DBF4B: variants seen among roughly 807,000 people sequenced by gnomAD.
DBF4B encodes protein DBF4 homolog B.
Under a neutral mutation model 53.4 loss-of-function variants are expected in DBF4B, and 49 were observed. That is an observed-to-expected ratio of 0.92 (90% CI 0.73 to 1.16). The LOEUF is 1.16. DBF4B is among the 50% of genes most tolerant of loss of function. The pLI is 0.00. For synonymous variants in DBF4B, 257 were observed against 288.7 expected, an observed-to-expected ratio of 0.89 and a Z score of 1.11; for missense variants, 692 against 775.0, an observed-to-expected ratio of 0.89 and a Z score of 1.27.
chr17:44,731,872 G>A (rs532354054), intron 5 of DBF4B: 61 of 298,998 alleles, frequency 2.0e-4, no homozygotes, highest in African/African-American at 1.1e-3. Context: ...AGCTTTCCTC[G>A]CAGAGGCCCT....
chr17:44,728,049 G>A (rs1445705879), intron 3 of DBF4B, among the ~76,000 whole-genome samples: 3 of 151,994 alleles, frequency 2.0e-5, no homozygotes, highest in Admixed American at 6.6e-5. Flanking sequence ...TCATTATGCT[G>A]TGGGTTGGCT....
At chr17:44,713,144 A>G (rs781549218) in intron 2 of DBF4B, among the ~76,000 whole-genome samples, 1 of 141,908 alleles carries the variant, frequency 7.0e-6, no homozygotes, top group Non-Finnish European at 1.5e-5. Flanking sequence ...GGTTCATGCC[A>G]TTCTTCTGCC....
intron 13 of DBF4B, chr17:44,750,337 A>C: frequency 7.8e-7 from 1 of 1,279,128 alleles, no homozygotes; most frequent in Non-Finnish European, 9.9e-7. Flanking sequence ...TTAAATGTTG[A>C]AGCTTCCGGA....
At chr17:44,737,258 T>G (rs1333868317) in intron 8 of DBF4B, among the ~76,000 whole-genome samples, 2 of 152,176 alleles carry the variant, frequency 1.3e-5, no homozygotes, top group Non-Finnish European at 2.9e-5. Flanking sequence ...ACTGACAAAC[T>G]GGCAGATTGA....
intron 6 of DBF4B, chr17:44,732,553 A>G: frequency 2.7e-6 from 1 of 366,338 alleles, no homozygotes; most frequent in Non-Finnish European, 5.1e-6. Flanking sequence ...CTGTTTTACA[A>G]ATGCAGAAAT....
intron 2 of DBF4B, among the ~76,000 whole-genome samples, chr17:44,716,755 A>G (rs930948257): frequency 1.3e-5 from 2 of 152,084 alleles, no homozygotes; most frequent in Admixed American, 6.6e-5. Context: ...CTGAGAGTCT[A>G]TTCCTTTTAA....
chr17:44,726,117 G>A (rs758115663), intron 3 of DBF4B, among the ~76,000 whole-genome samples: 1 of 151,638 alleles, frequency 6.6e-6, no homozygotes, highest in Non-Finnish European at 1.5e-5. Context: ...AGCCTCCCAA[G>A]TAGCTGCAAT....
rs368032048 is a variant in DBF4B, at chr17:44,741,439, A to G, written c.817A>G (p.Met273Val). ...TGAGGCCCCGACGACCCTGGGCAGC[A>G]TGCACCATACCAGGTGGGTCTTTCT... is the stretch of plus-strand genomic sequence containing the variant. ...PFEAPTTLGSMHHTRESKDGE... is the reference protein window; with the variant it reads ...PFEAPTTLGSVHHTRESKDGE... Residue 273 changes from methionine to valine, a missense_variant, in exon 10 of 14, where the codon ATG (methionine) becomes GTG (valine). Met to Val is a conservative substitution (Grantham distance 21). Coordinates refer to ENST00000315005, the MANE Select transcript of DBF4B (RefSeq NM_145663.3). The G allele has an allele frequency of 5.8e-5, 94 of 1,609,338 alleles. No homozygotes were observed. The highest frequency in any genetic ancestry group is 8.0e-5 in the African/African-American group (6 of 74,740).
intron 2 of DBF4B, among the ~76,000 whole-genome samples, chr17:44,709,646 T>C (rs571949804): frequency 2.0e-4 from 30 of 152,196 alleles, no homozygotes; most frequent in African/African-American, 7.0e-4. Flanking sequence ...TGTGTGTGTG[T>C]GTATGGACGC....
chr17:44,713,276 C>T (rs374599693), intron 2 of DBF4B, among the ~76,000 whole-genome samples: 3 of 149,408 alleles, frequency 2.0e-5, no homozygotes, highest in African/African-American at 7.3e-5. Flanking sequence ...CTCCTGACCT[C>T]GTGATCCACC....
chr17:44,730,201 ATC>A lies in DBF4B; in HGVS notation c.417+110_417+111del, dbSNP rs1365808284. ...TTTTAATTTCATCTGGATTAATTTA[ATC>A]TCTCATTTGAATTCAGGGACTGAGA... On this transcript the variant is annotated intron_variant, in intron 4 of 13. Coordinates refer to ENST00000315005, the MANE Select transcript of DBF4B (RefSeq NM_145663.3). 1.2e-5 allele frequency: 15 copies of A among 1,251,432 alleles called. No homozygotes were observed. In the East Asian group the frequency reaches 1.3e-4, roughly 11 times the overall value. The allele number at this position is 1,251,432 out of a possible 1,614,324, so 77.5% of individuals were successfully genotyped here. A position where few individuals can be genotyped will look rare whatever the true frequency, so the allele number is the denominator to read the frequency against.
At chr17:44,713,533 C>T (rs1268675114) in intron 2 of DBF4B, among the ~76,000 whole-genome samples, 1 of 151,760 alleles carries the variant, frequency 6.6e-6, no homozygotes, top group African/African-American at 2.4e-5. Context: ...GCTTGTAATC[C>T]CAGCTACTTG....
chr17:44,748,451 G>A lies in DBF4B; in HGVS notation c.1175G>A (p.Ser392Asn), dbSNP rs1465906136. 1.5e-5 allele frequency: 24 copies of A among 1,613,926 alleles called. No homozygotes were observed. Among genetic ancestry groups the A allele is most frequent in the Non-Finnish European group, 1.9e-5 (23 of 1,179,954 alleles). ...TCTCCCAGGATAAGGAAAGAAGACA[G>A]CTGCCAGGCATCAGGTATCCCAGAG... The part of the protein sequence containing the change: ...AASPRIRKED[S>N]CQASVTQGRA... The change falls in exon 13 of 14, where the codon AGC becomes AAC. Residue 392 changes from serine to asparagine, a missense_variant. Physicochemically the swap from Ser to Asn is conservative, Grantham distance 46 (BLOSUM62 1). This residue lies in a region of DBF4B where 597 missense variants were observed against 665.8 expected (regional missense o/e 0.90). Coordinates refer to ENST00000315005, the MANE Select transcript of DBF4B (RefSeq NM_145663.3).
intron 3 of DBF4B, among the ~76,000 whole-genome samples, chr17:44,725,748 G>A (rs1030750008): frequency 7.0e-6 from 1 of 143,392 alleles, no homozygotes; most frequent in Non-Finnish European, 1.5e-5. Context: ...ATGCAGGAGC[G>A]CGGTCATGGC....
intron 4 of DBF4B, 68 bp from the exon 5 acceptor site, chr17:44,730,897 C>A: frequency 6.4e-7 from 1 of 1,555,318 alleles, no homozygotes; most frequent in South Asian, 1.1e-5. Context: ...TCACCAGCTC[C>A]TGTGTAAACA....
At chr17:44,716,803 A>G (rs879605531) in intron 2 of DBF4B, among the ~76,000 whole-genome samples, 1 of 152,106 alleles carries the variant, frequency 6.6e-6, no homozygotes, top group Non-Finnish European at 1.5e-5. Context: ...CTACTGTTTC[A>G]TTCTAGCATT....
intron 7 of DBF4B, among the ~76,000 whole-genome samples, chr17:44,735,141 C>T (rs928104100): frequency 6.6e-5 from 10 of 152,198 alleles, no homozygotes; most frequent in African/African-American, 1.7e-4. Context: ...CAGACACTGA[C>T]GCCCTCTCCA....
chr17:44,731,150 C>T lies in DBF4B; in HGVS notation c.468+135C>T, dbSNP rs1053150917. ...TATGTAGTATTGTCATTATTTCCTT[C>T]TTCTACATCAGGTAGTGGAGGCTCA... On this transcript the variant is annotated intron_variant, in intron 5 of 13. Coordinates refer to ENST00000315005, the MANE Select transcript of DBF4B (RefSeq NM_145663.3). The T allele has an allele frequency of 3.0e-5, 31 of 1,019,910 alleles. No homozygotes were observed. The African/African-American group carries it at 4.5e-4, about 15-fold the overall frequency. The allele number at this position is 1,019,910 out of a possible 1,614,324, so 63.2% of individuals were successfully genotyped here.
rs2049165095 is a variant in DBF4B at position 44,748,348 on chromosome 17, G to A, written c.1072G>A (p.Gly358Ser). 1 of 1,598,590 alleles carries A rather than the reference G, an allele frequency of 6.3e-7. No homozygotes were observed. The highest frequency in any genetic ancestry group is 8.5e-7 in the Non-Finnish European group (1 of 1,172,222). ...PFQAGLPRWS[G>S]SPASDCDPLC... is the part of the protein sequence containing the mutation. ...GTGTTTCTGTCCCAACAGGTGGTCA[G>A]GTTCCCCAGCTTCTGATTGTGACCC... The change falls in exon 13 of 14, where the codon GGT (glycine) becomes AGT (serine). Residue 358 changes from glycine (G) to serine (S), a missense_variant. Physicochemically the swap from Gly to Ser is moderately conservative, Grantham distance 56. Around this residue, in one of 3 missense-constraint regions of DBF4B, gnomAD observed 597 missense variants for 665.8 expected, o/e 0.90. Transcript: ENST00000315005.
Sources: allele counts gnomAD v4.1 joint callset (sites outside exome capture counted in the v4.1 genomes callset), GRCh38; gene constraint gnomAD v4.1.1; regional missense constraint gnomAD v4.1.1; transcripts MANE v1.5; gene names NCBI Gene and HGNC (gene_info 2026-07-23, HGNC 2026-07-21).